ANO2: variants seen among roughly 807,000 people sequenced by gnomAD.
ANO2 encodes the protein anoctamin-2.
In ANO2, 101 loss-of-function variants were observed where a neutral mutation model predicts 124.2. That is an observed-to-expected ratio of 0.81 (90% CI 0.69 to 0.96). ANO2 has a LOEUF of 0.96. Among genes scored for constraint, ANO2 ranks in the 40% least tolerant of loss-of-function variants. The probability of loss-of-function intolerance (pLI) is 0.00; values close to 1 mark genes in which losing one functional copy is unlikely to be tolerated. For missense variants in ANO2, 1,293 were observed against 1,274.5 expected, an observed-to-expected ratio of 1.01 and a Z score of -0.22; for synonymous variants, 486 against 482.5, an observed-to-expected ratio of 1.01 and a Z score of -0.09.
chr12:5,607,996 G>A (rs1019049548), intron 19 of ANO2, among the ~76,000 whole-genome samples: 3 of 152,028 alleles, frequency 2.0e-5, no homozygotes, highest in Non-Finnish European at 2.9e-5. Context: ...CCCGGTCCAC[G>A]GAAAAACTGT....
At chr12:5,602,650 A>G (rs958177135) in intron 19 of ANO2, among the ~76,000 whole-genome samples, 45 of 152,220 alleles carry the variant, frequency 3.0e-4, no homozygotes, top group Middle Eastern at 3.2e-3. Flanking sequence ...GGTGAAGGAC[A>G]TGCATTTTCT....
intron 15 of ANO2, among the ~76,000 whole-genome samples, chr12:5,640,174 A>C (rs1191724586): frequency 6.6e-6 from 1 of 152,194 alleles, no homozygotes; most frequent in African/African-American, 2.4e-5. Flanking sequence ...CACCCCATGA[A>C]AAGCATTCCC....
At chr12:5,580,258 T>C (rs1220753623) in intron 20 of ANO2, among the ~76,000 whole-genome samples, 1 of 152,238 alleles carries the variant, frequency 6.6e-6, no homozygotes, top group Non-Finnish European at 1.5e-5. Context: ...ACAATGTACA[T>C]ACAATGTACA....
intron 3 of ANO2, among the ~76,000 whole-genome samples, chr12:5,881,061 C>A (rs1938470399): frequency 6.6e-6 from 1 of 152,154 alleles, no homozygotes; most frequent in South Asian, 2.1e-4. Flanking sequence ...ACAAAGATGA[C>A]CTCAGAGCAT....
intron 10 of ANO2, among the ~76,000 whole-genome samples, chr12:5,782,621 C>T (rs912760061): frequency 6.6e-6 from 1 of 152,150 alleles, no homozygotes; most frequent in Non-Finnish European, 1.5e-5. Context: ...TAGTCCTGCA[C>T]CAGTTACTCC....
chr12:5,916,491 TTAAAAA>T lies in ANO2; in HGVS notation c.534+4543_534+4548del, dbSNP rs1435634259. ...CTCTGAATAGAAAAATCGCAGCAGG[TTAAAAA>T]AAAAAAAAAAAAAAAAGGCAGCAGT... On this transcript the variant is annotated intron_variant, in intron 3 of 24. Coordinates refer to ENST00000682330, the MANE Select transcript of ANO2 (RefSeq NM_001364791.2). 8.2e-5 allele frequency among the ~76,000 whole-genome samples: 8 copies of T among 98,124 alleles called. No homozygotes were observed. In the East Asian group the frequency reaches 2.0e-3, roughly 24 times the overall value. 64.4% of individuals were successfully genotyped at this position (98,124 alleles called of 152,430 possible). A position where few individuals can be genotyped will look rare whatever the true frequency, so the allele number is the denominator to read the frequency against.
rs1591801821 is a variant in ANO2 at position 5,925,359 on chromosome 12, C to T, written c.23-2555G>A. The stretch of plus-strand genomic sequence containing the variant: ...TCACTAGCCATCGCAGTTGCTCCCC[C>T]GGCTCGCTCTCTGACACACGGATCC... On this transcript the variant is annotated intron_variant, in intron 1 of 24. Coordinates refer to ENST00000682330, the MANE Select transcript of ANO2 (RefSeq NM_001364791.2). The surrounding 1 kb of genome is among the most constrained non-coding windows in gnomAD (Gnocchi z 4.6). Among the ~76,000 whole-genome samples, 2 of 152,192 alleles carry T rather than the reference C, an allele frequency of 1.3e-5. No individual in the cohort carries two copies. Among genetic ancestry groups the T allele is most frequent in the Non-Finnish European group, 2.9e-5 (2 of 68,028 alleles).
intron 19 of ANO2, among the ~76,000 whole-genome samples, chr12:5,611,205 G>A (rs1327928629): frequency 2.6e-5 from 4 of 151,922 alleles, no homozygotes; most frequent in Admixed American, 6.6e-5. Context: ...TCCTGACCTC[G>A]TGATCCGCCC....
intron 3 of ANO2, among the ~76,000 whole-genome samples, chr12:5,893,288 G>A (rs971885044): frequency 1.2e-4 from 18 of 151,998 alleles, no homozygotes; most frequent in African/African-American, 3.9e-4. Context: ...CAAATCATCA[G>A]CAGAGTAAAT....
intron 20 of ANO2, among the ~76,000 whole-genome samples, chr12:5,591,130 A>C (rs576182673): frequency 3.2e-4 from 48 of 152,214 alleles, no homozygotes; most frequent in Non-Finnish European, 5.3e-4. Flanking sequence ...CAGTGAGCCA[A>C]GATTGCGCCA....
At chr12:5,806,516 G>A (rs1425287657) in intron 8 of ANO2, among the ~76,000 whole-genome samples, 1 of 152,228 alleles carries the variant, frequency 6.6e-6, no homozygotes, top group African/African-American at 2.4e-5. Flanking sequence ...AAAAATTCCT[G>A]CTGGCAGTCA....
chr12:5,614,747 G>C (rs1944715028), intron 17 of ANO2, among the ~76,000 whole-genome samples: 1 of 152,202 alleles, frequency 6.6e-6, no homozygotes, highest in Admixed American at 6.5e-5. Context: ...CCGGTGGCCT[G>C]AGAATCCCAG....
chr12:5,667,802 G>A (rs1947802382), intron 14 of ANO2, among the ~76,000 whole-genome samples: 1 of 152,216 alleles, frequency 6.6e-6, no homozygotes, highest in South Asian at 2.1e-4. Flanking sequence ...AACATGCGGT[G>A]TTTGGGTTTT....
At chr12:5,924,619 C>T (rs1401992549) in intron 1 of ANO2, among the ~76,000 whole-genome samples, 1 of 152,252 alleles carries the variant, frequency 6.6e-6, no homozygotes, top group African/African-American at 2.4e-5. Flanking sequence ...AGGCAAGACG[C>T]TGCCTTTCCT....
chr12:5,793,730 G>A (rs933883637), intron 10 of ANO2, among the ~76,000 whole-genome samples: 1 of 152,162 alleles, frequency 6.6e-6, no homozygotes, highest in African/African-American at 2.4e-5. Context: ...CACCATCTCT[G>A]GAAGGCTGTT....
chr12:5,810,698 C>T (rs1449175620), intron 7 of ANO2, among the ~76,000 whole-genome samples: 1 of 152,164 alleles, frequency 6.6e-6, no homozygotes, highest in East Asian at 1.9e-4. Context: ...CCTGAGGAGC[C>T]CCTTACTGAT....
At chr12:5,579,531 A>T (rs1359384921) in intron 20 of ANO2, among the ~76,000 whole-genome samples, 1 of 152,136 alleles carries the variant, frequency 6.6e-6, no homozygotes, top group Non-Finnish European at 1.5e-5. Context: ...GTCCAGCCCT[A>T]CCTGGACCAT....
At chr12:5,859,767 C>G (rs1428114733) in intron 3 of ANO2, among the ~76,000 whole-genome samples, 1 of 152,154 alleles carries the variant, frequency 6.6e-6, no homozygotes, top group African/African-American at 2.4e-5. Context: ...CTCTTGAACT[C>G]AAGCGATCCA....
At chr12:5,709,157 G>A (rs543889376) in intron 14 of ANO2, among the ~76,000 whole-genome samples, 50 of 152,184 alleles carry the variant, frequency 3.3e-4, no homozygotes, top group South Asian at 2.7e-3. Flanking sequence ...GTACTACACC[G>A]AGTACACGAT....
Sources: allele counts gnomAD v4.1 joint callset (sites outside exome capture counted in the v4.1 genomes callset), GRCh38; gene constraint gnomAD v4.1.1; non-coding constraint Gnocchi (gnomAD v3.1); transcripts MANE v1.5; gene names NCBI Gene and HGNC (gene_info 2026-07-23, HGNC 2026-07-21).